VPS41: variants seen among roughly 807,000 people sequenced by gnomAD.
VPS41 encodes vacuolar protein sorting-associated protein 41 homolog.
Under a neutral mutation model 130.9 loss-of-function variants are expected in VPS41, and 85 were observed. The observed-to-expected ratio is 0.65, with a 90% CI of 0.55 to 0.78. VPS41 has a LOEUF of 0.78. Ranked by LOEUF, VPS41 falls within the 30% of genes least tolerant of loss-of-function variation. The pLI is 0.00. For synonymous variants in VPS41, 335 were observed against 332.9 expected, an observed-to-expected ratio of 1.01 and a Z score of -0.07; for missense variants, 874 against 1,018.7, an observed-to-expected ratio of 0.86 and a Z score of 1.93.
At chr7:38,821,706 CAAAAAAAAAAA>C (rs10669199) in intron 5 of VPS41, among the ~76,000 whole-genome samples, 1 of 117,550 alleles carries the variant, frequency 8.5e-6, no homozygotes. Flanking sequence ...GACTCCGTCT[CAAAAAAAAAAA>C]AAAAGAAAAA....
intron 10 of VPS41, among the ~76,000 whole-genome samples, chr7:38,786,504 G>A (rs898645235): frequency 2.0e-5 from 3 of 152,170 alleles, no homozygotes; most frequent in African/African-American, 7.2e-5. Flanking sequence ...CGGGGAAAGA[G>A]TTGTTACATC....
Position 38,796,847 on chromosome 7 carries a change from C to T in VPS41, c.468G>A (p.Arg156=), listed in dbSNP as rs143155609. 246 of 1,613,912 alleles carry T rather than the reference C, an allele frequency of 1.5e-4. 1 individual carries two copies. The African/African-American group carries it at 2.5e-3, about 16-fold the overall frequency. Residue 156 remains arginine (R), a synonymous_variant, in exon 8 of 29, where the codon CGG becomes CGA. Coordinates refer to ENST00000310301, the MANE Select transcript of VPS41 (RefSeq NM_014396.4). ...TGGKKLLLFE[R]SWMNRWKSAV... Reference sequence around the variant, plus strand: ...CAGACTTCCATCTGTTCATCCAAGACCGTTCAAACAGTAGCAGCTAGGGAC... The same window carrying T: ...CAGACTTCCATCTGTTCATCCAAGATCGTTCAAACAGTAGCAGCTAGGGAC...
intron 4 of VPS41, among the ~76,000 whole-genome samples, chr7:38,847,298 A>C (rs1408069590): frequency 6.6e-6 from 1 of 152,098 alleles, no homozygotes; most frequent in Non-Finnish European, 1.5e-5. Flanking sequence ...GTTTGGTAAA[A>C]AAAAAATACA....
chr7:38,818,027 A>G, intron 6 of VPS41, 145 bp from the exon 7 acceptor site: 1 of 647,570 alleles, frequency 1.5e-6, no homozygotes, highest in Non-Finnish European at 2.7e-6. Flanking sequence ...ATATTTTACA[A>G]CAACTGATGA....
chr7:38,770,181 A>C (rs1476669120), intron 14 of VPS41, among the ~76,000 whole-genome samples: 1 of 151,842 alleles, frequency 6.6e-6, no homozygotes, highest in East Asian at 1.9e-4. Flanking sequence ...AGGCAGGAGA[A>C]TCGCTTGAAC....
intron 25 of VPS41, 73 bp downstream of exon 25, chr7:38,741,912 A>T: frequency 6.4e-7 from 1 of 1,553,890 alleles, no homozygotes. Flanking sequence ...TACCTAACAT[A>T]AACCCTAGAA....
intron 1 of VPS41, among the ~76,000 whole-genome samples, chr7:38,904,929 C>T (rs1241476889): frequency 6.6e-6 from 1 of 152,006 alleles, no homozygotes; most frequent in African/African-American, 2.4e-5. Context: ...TTAGGAAGAT[C>T]AAAGGGTACC....
intron 4 of VPS41, among the ~76,000 whole-genome samples, chr7:38,856,416 C>T (rs1416810215): frequency 6.6e-5 from 10 of 152,056 alleles, no homozygotes; most frequent in Admixed American, 5.2e-4. Flanking sequence ...TCTACAGTAG[C>T]TCTCAGTATA....
intron 4 of VPS41, among the ~76,000 whole-genome samples, chr7:38,844,249 T>C (rs1785675927): frequency 6.6e-6 from 1 of 152,234 alleles, no homozygotes; most frequent in Non-Finnish European, 1.5e-5. Context: ...GTGCTTCAAG[T>C]AGCTTTATGG....
intron 2 of VPS41, among the ~76,000 whole-genome samples, chr7:38,884,950 A>G (rs190697425): frequency 2.4e-3 from 358 of 151,778 alleles, no homozygotes; most frequent in Non-Finnish European, 3.7e-3. Flanking sequence ...ATGTTAGGCT[A>G]ATAATTTGAT....
At chr7:38,881,482 A>G (rs1349637667) in intron 2 of VPS41, among the ~76,000 whole-genome samples, 1 of 152,190 alleles carries the variant, frequency 6.6e-6, no homozygotes, top group African/African-American at 2.4e-5. Context: ...AGGGATTAGG[A>G]TGTAGACATC....
At chr7:38,766,858 T>C (rs1040298116) in intron 15 of VPS41, among the ~76,000 whole-genome samples, 1 of 152,220 alleles carries the variant, frequency 6.6e-6, no homozygotes, top group South Asian at 2.1e-4. Flanking sequence ...TGAGGCCTCC[T>C]CAGCCATGCT....
chr7:38,886,361 T>G (rs951552557), intron 2 of VPS41, among the ~76,000 whole-genome samples: 2 of 152,208 alleles, frequency 1.3e-5, no homozygotes, highest in African/African-American at 2.4e-5. Flanking sequence ...CGTGCCTGGC[T>G]CGGCAGGTAC....
chr7:38,879,345 C>G (rs1457348762), intron 2 of VPS41, among the ~76,000 whole-genome samples: 1 of 152,170 alleles, frequency 6.6e-6, no homozygotes, highest in African/African-American at 2.4e-5. Flanking sequence ...GCATTCACTC[C>G]TCCATTTTCT....
intron 4 of VPS41, among the ~76,000 whole-genome samples, chr7:38,855,143 G>A (rs551556302): frequency 3.8e-4 from 57 of 148,430 alleles, no homozygotes; most frequent in Non-Finnish European, 7.1e-4. Context: ...CTGGGCGGCG[G>A]AGGTTGCAGT....
At chr7:38,773,686 G>C (rs1215207918) in intron 12 of VPS41, among the ~76,000 whole-genome samples, 1 of 152,142 alleles carries the variant, frequency 6.6e-6, no homozygotes, top group East Asian at 1.9e-4. Context: ...AAATGTGCCA[G>C]AAGTCTTTCA....
In VPS41 at chr7:38,763,474, A is replaced by C. The variant is rs755887948; in HGVS notation, c.1403T>G (p.Phe468Cys). The change falls in exon 17 of 29, where the codon TTT (phenylalanine) becomes TGT (cysteine). Residue 468 changes from phenylalanine to cysteine, a missense_variant. Physicochemically the swap from Phe to Cys is radical, Grantham distance 205. Coordinates refer to ENST00000310301, the MANE Select transcript of VPS41 (RefSeq NM_014396.4). Reference sequence around the variant, plus strand: ...CCATACCTCATAATCACTCTCCAAAAATTCATGTAAGATCATTTCATAGAT... The same window carrying C: ...CCATACCTCATAATCACTCTCCAAACATTCATGTAAGATCATTTCATAGAT... ...PLIYEMILHE[F>C]LESDYEGFAT... 1.2e-6 allele frequency: 2 copies of C among 1,605,970 alleles called. No individual in the cohort carries two copies. The highest frequency in any genetic ancestry group is 2.7e-5 in the African/African-American group (2 of 74,612).
intron 2 of VPS41, among the ~76,000 whole-genome samples, chr7:38,881,451 C>T (rs1786605591): frequency 6.6e-6 from 1 of 152,214 alleles, no homozygotes; most frequent in Non-Finnish European, 1.5e-5. Flanking sequence ...TGCTGTGTAA[C>T]ATGACATATT....
chr7:38,794,499 A>C (rs1204374171), intron 9 of VPS41, among the ~76,000 whole-genome samples: 2 of 152,242 alleles, frequency 1.3e-5, no homozygotes, highest in African/African-American at 4.8e-5. Context: ...CTAGAACTTT[A>C]TATAATAATG....
Sources: allele counts gnomAD v4.1 joint callset (sites outside exome capture counted in the v4.1 genomes callset), GRCh38; gene constraint gnomAD v4.1.1; transcripts MANE v1.5; gene names NCBI Gene and HGNC (gene_info 2026-07-23, HGNC 2026-07-21).